CLSTN2: variants seen among roughly 807,000 people sequenced by gnomAD.
CLSTN2 encodes the protein calsyntenin 2, also known as calsyntenin-2.
CLSTN2 carries 48 observed loss-of-function variants against 101.2 expected under a neutral mutation model. The observed-to-expected ratio is 0.47, with a 90% CI of 0.38 to 0.60. The LOEUF is 0.60. Ranked by LOEUF, CLSTN2 falls within the 20% of genes least tolerant of loss-of-function variation. The pLI is 0.00. For missense variants in CLSTN2, 1,160 were observed against 1,238.2 expected, an observed-to-expected ratio of 0.94 and a Z score of 0.95; for synonymous variants, 481 against 463.6, an observed-to-expected ratio of 1.04 and a Z score of -0.48.
intron 2 of CLSTN2, among the ~76,000 whole-genome samples, chr3:140,279,854 T>C (rs2086828449): frequency 1.3e-5 from 2 of 152,240 alleles, no homozygotes; most frequent in African/African-American, 4.8e-5. Flanking sequence ...TCTCATGCTG[T>C]CCTGGGGTTT....
At chr3:140,093,810 A>C (rs1576424479) in intron 1 of CLSTN2, among the ~76,000 whole-genome samples, 1 of 152,364 alleles carries the variant, frequency 6.6e-6, no homozygotes, top group South Asian at 2.1e-4. Flanking sequence ...AGTATGTCAA[A>C]CCTACTATTT....
intron 2 of CLSTN2, among the ~76,000 whole-genome samples, chr3:140,323,179 T>C (rs1313145707): frequency 6.6e-6 from 1 of 152,110 alleles, no homozygotes; most frequent in East Asian, 1.9e-4. Flanking sequence ...TTCCCAGCAG[T>C]GGGTTCCCAC....
intron 1 of CLSTN2, among the ~76,000 whole-genome samples, chr3:140,095,317 G>T (rs2008852065): frequency 6.6e-6 from 1 of 152,174 alleles, no homozygotes; most frequent in Non-Finnish European, 1.5e-5. Flanking sequence ...GACAGTTTCT[G>T]AAAAGCTGCC....
chr3:140,543,462 C>G (rs1286550204), intron 9 of CLSTN2, among the ~76,000 whole-genome samples: 2 of 152,206 alleles, frequency 1.3e-5, no homozygotes, highest in Non-Finnish European at 2.9e-5. Context: ...GAAACTTATC[C>G]TTTATTTCCA....
intron 8 of CLSTN2, among the ~76,000 whole-genome samples, chr3:140,480,679 C>A (rs545926313): frequency 6.6e-6 from 1 of 152,296 alleles, no homozygotes; most frequent in African/African-American, 2.4e-5. Context: ...TTTTGATTTG[C>A]ATTTCTCTGA....
chr3:140,466,652 G>T lies in CLSTN2; in HGVS notation c.1265G>T (p.Arg422Leu). The change falls in exon 8 of 17, where the codon CGC (arginine) becomes CTC (leucine). Residue 422 changes from arginine to leucine, a missense_variant. Arg to Leu is a moderately radical substitution (Grantham distance 102, BLOSUM62 -2). Transcript: ENST00000458420. ...HHYALYVHNC[R>L]LVFLLRKDFD... ...TATGCCCTGTATGTGCACAACTGCC[G>T]CCTCGTCTTTCTCTTGCGGAAGGAC... 1 of 1,614,070 alleles carries T rather than the reference G, an allele frequency of 6.2e-7. No homozygotes were observed. The highest frequency in any genetic ancestry group is 8.5e-7 in the Non-Finnish European group (1 of 1,179,988).
chr3:140,478,916 C>G (rs548392420), intron 8 of CLSTN2, among the ~76,000 whole-genome samples: 3 of 149,036 alleles, frequency 2.0e-5, no homozygotes, highest in South Asian at 2.1e-4. Flanking sequence ...GGGAGGCAGG[C>G]ATATTCTCTG....
At chr3:140,520,776 C>T (rs561496240) in intron 8 of CLSTN2, among the ~76,000 whole-genome samples, 1 of 152,304 alleles carries the variant, frequency 6.6e-6, no homozygotes, top group South Asian at 2.1e-4. Context: ...TTCCATTCTC[C>T]CCGTCCCTTT....
intron 2 of CLSTN2, among the ~76,000 whole-genome samples, chr3:140,389,118 C>A (rs772795693): frequency 1.5e-5 from 2 of 136,494 alleles, no homozygotes; most frequent in Non-Finnish European, 3.1e-5. Flanking sequence ...ATGTTCATGA[C>A]AAATAGAGCT....
chr3:140,311,401 G>A (rs755254707), intron 2 of CLSTN2, among the ~76,000 whole-genome samples: 1 of 139,052 alleles, frequency 7.2e-6, no homozygotes, highest in Non-Finnish European at 1.5e-5. Context: ...TGCCTCCTGG[G>A]TTCAAGCTAT....
At chr3:140,493,363 CTG>C (rs1269504221) in intron 8 of CLSTN2, among the ~76,000 whole-genome samples, 1 of 152,128 alleles carries the variant, frequency 6.6e-6, no homozygotes, top group South Asian at 2.1e-4. Context: ...TTAATTAAAT[CTG>C]TGTTATTATT....
intron 2 of CLSTN2, among the ~76,000 whole-genome samples, chr3:140,386,716 A>G (rs1197682047): frequency 6.6e-6 from 1 of 151,740 alleles, no homozygotes; most frequent in Non-Finnish European, 1.5e-5. Flanking sequence ...CTGGTTCTCA[A>G]TCTCTCTCTC....
At chr3:140,182,861 T>A (rs1475864836) in intron 2 of CLSTN2, among the ~76,000 whole-genome samples, 1 of 152,088 alleles carries the variant, frequency 6.6e-6, no homozygotes, top group Non-Finnish European at 1.5e-5. Flanking sequence ...AAGATGGGCA[T>A]ACACAGCTCC....
chr3:140,394,503 G>A (rs969062840), intron 2 of CLSTN2, among the ~76,000 whole-genome samples: 1 of 152,184 alleles, frequency 6.6e-6, no homozygotes, highest in Non-Finnish European at 1.5e-5. Flanking sequence ...TTCTCTGGTG[G>A]TTACATGACA....
intron 1 of CLSTN2, among the ~76,000 whole-genome samples, chr3:140,133,438 G>C (rs2009553234): frequency 6.6e-6 from 1 of 152,192 alleles, no homozygotes; most frequent in African/African-American, 2.4e-5. Flanking sequence ...TAGAATTACA[G>C]TAAGTTTCTC....
rs1302515075 is a variant in CLSTN2, at chr3:140,250,781, G to A, written c.232+74708G>A. Among the ~76,000 whole-genome samples the A allele has an allele frequency of 4.6e-5, 7 of 152,164 alleles. No individual in the cohort carries two copies. In the South Asian group the frequency reaches 6.2e-4, roughly 14 times the overall value. On this transcript the variant is annotated intron_variant, in intron 2 of 16. Transcript: ENST00000458420. Reference sequence around the variant, plus strand: ...TTAATCACTTTTTTCCCCCAAACTCGAGAGTAAAACAGTGAAATTAAATCC... The same window carrying A: ...TTAATCACTTTTTTCCCCCAAACTCAAGAGTAAAACAGTGAAATTAAATCC...
At chr3:140,424,499 C>CT (rs1030193602) in intron 5 of CLSTN2, among the ~76,000 whole-genome samples, 2 of 152,240 alleles carry the variant, frequency 1.3e-5, no homozygotes, top group African/African-American at 4.8e-5. Context: ...CTGGTCAGGG[C>CT]TGCAGCCTCT....
At chr3:140,251,997 C>G (rs200214661) in intron 2 of CLSTN2, among the ~76,000 whole-genome samples, 1 of 151,950 alleles carries the variant, frequency 6.6e-6, no homozygotes, top group African/African-American at 2.4e-5. Flanking sequence ...TAGGGTATAA[C>G]AAGCCATAAA....
At chr3:140,254,056 T>C (rs894615354) in intron 2 of CLSTN2, among the ~76,000 whole-genome samples, 1 of 152,176 alleles carries the variant, frequency 6.6e-6, no homozygotes, top group East Asian at 1.9e-4. Context: ...GTCATATTTC[T>C]CTCTGTTCTT....
Sources: allele counts gnomAD v4.1 joint callset (sites outside exome capture counted in the v4.1 genomes callset), GRCh38; gene constraint gnomAD v4.1.1; transcripts MANE v1.5; gene names NCBI Gene and HGNC (gene_info 2026-07-23, HGNC 2026-07-21).